ATE1: variants seen among roughly 807,000 people sequenced by gnomAD.
ATE1 encodes the protein arginyltransferase 1, also known as arginyl-tRNA--protein transferase 1.
ATE1 carries 36 observed loss-of-function variants against 70.5 expected under a neutral mutation model. That is an observed-to-expected ratio of 0.51 (90% CI 0.39 to 0.67). The LOEUF (loss-of-function observed/expected upper bound fraction) is 0.67. Among genes scored for constraint, ATE1 ranks in the 30% least tolerant of loss-of-function variants. The probability of loss-of-function intolerance (pLI) is 0.00; values close to 1 mark genes in which losing one functional copy is unlikely to be tolerated. For synonymous variants in ATE1, 232 were observed against 219.3 expected (o/e 1.06, Z -0.51); for missense variants, 593 against 629.5 (o/e 0.94, Z 0.62).
intron 10 of ATE1, among the ~76,000 whole-genome samples, chr10:121,830,897 A>G (rs529317127): frequency 1.3e-4 from 20 of 152,342 alleles, no homozygotes; most frequent in African/African-American, 4.8e-4. Context: ...GAAAAAATTT[A>G]AAGTTTTATT....
chr10:121,782,876 C>A (rs1946053468), intron 11 of ATE1, among the ~76,000 whole-genome samples: 1 of 152,166 alleles, frequency 6.6e-6, no homozygotes, highest in Admixed American at 6.5e-5. Flanking sequence ...TGGATGCTTC[C>A]TGCCCTCGAA....
At chr10:121,871,236 C>T (rs893509045) in intron 7 of ATE1, among the ~76,000 whole-genome samples, 1 of 152,104 alleles carries the variant, frequency 6.6e-6, no homozygotes, top group African/African-American at 2.4e-5. Context: ...GGGTGGATCA[C>T]CTGAGGGAGG....
At chr10:121,868,075 A>C (rs947456751) in intron 8 of ATE1, among the ~76,000 whole-genome samples, 1 of 152,186 alleles carries the variant, frequency 6.6e-6, no homozygotes, top group Non-Finnish European at 1.5e-5. Context: ...GAAGTTTATA[A>C]ACATCCCATC....
At chr10:121,790,569 T>G (rs1043084344) in intron 10 of ATE1, among the ~76,000 whole-genome samples, 2 of 152,212 alleles carry the variant, frequency 1.3e-5, no homozygotes, top group African/African-American at 2.4e-5. Context: ...ATATTCAATG[T>G]GATTCTTGCT....
intron 10 of ATE1, among the ~76,000 whole-genome samples, chr10:121,804,621 C>T (rs1027262230): frequency 6.6e-6 from 1 of 151,968 alleles, no homozygotes; most frequent in Non-Finnish European, 1.5e-5. Flanking sequence ...TGTTTGGAAG[C>T]TGTTGAGCAC....
At chr10:121,878,903 A>T (rs1950144464) in intron 7 of ATE1, among the ~76,000 whole-genome samples, 1 of 152,176 alleles carries the variant, frequency 6.6e-6, no homozygotes, top group Non-Finnish European at 1.5e-5. Context: ...TCCCTTCATT[A>T]TACCAAGGAC....
intron 10 of ATE1, among the ~76,000 whole-genome samples, chr10:121,799,575 T>C (rs1446471107): frequency 6.6e-6 from 1 of 152,220 alleles, no homozygotes. Flanking sequence ...AACTGTTTCA[T>C]CTTTGCAGCT....
chr10:121,883,379 C>T (rs1172608188), intron 7 of ATE1, among the ~76,000 whole-genome samples: 2 of 151,928 alleles, frequency 1.3e-5, no homozygotes, highest in Non-Finnish European at 2.9e-5. Flanking sequence ...CATATTTTAA[C>T]GAGCATATTA....
chr10:121,822,986 G>T (rs1947858124), intron 10 of ATE1, among the ~76,000 whole-genome samples: 1 of 152,056 alleles, frequency 6.6e-6, no homozygotes, highest in South Asian at 2.1e-4. Context: ...TACAGATAAA[G>T]CACTTAAAAA....
At chr10:121,766,131 A>G (rs74158436) in intron 11 of ATE1, among the ~76,000 whole-genome samples, 374 of 152,360 alleles carry the variant, frequency 2.5e-3, no homozygotes, top group African/African-American at 8.8e-3. Flanking sequence ...TTAGAAGGAT[A>G]CAAATAAGCC....
intron 10 of ATE1, among the ~76,000 whole-genome samples, chr10:121,798,367 C>A (rs1359528711): frequency 6.6e-6 from 1 of 152,112 alleles, no homozygotes; most frequent in Non-Finnish European, 1.5e-5. Flanking sequence ...AAGTATATGC[C>A]AATGAAATAA....
At chr10:121,871,827 A>G (rs1164675484) in intron 7 of ATE1, among the ~76,000 whole-genome samples, 1 of 152,244 alleles carries the variant, frequency 6.6e-6, no homozygotes, top group Non-Finnish European at 1.5e-5. Flanking sequence ...TTAACTCTTA[A>G]GATAACTTTC....
At chr10:121,744,426 T>TA (rs1944264203) in intron 11 of ATE1, among the ~76,000 whole-genome samples, 1 of 152,168 alleles carries the variant, frequency 6.6e-6, no homozygotes, top group African/African-American at 2.4e-5. Context: ...AGACAAAATG[T>TA]GTCTAATTAG....
intron 8 of ATE1, among the ~76,000 whole-genome samples, chr10:121,856,887 G>C (rs914875885): frequency 6.6e-6 from 1 of 152,158 alleles, no homozygotes; most frequent in Admixed American, 6.5e-5. Context: ...AAAGAGAATA[G>C]TTCAACTGAA....
chr10:121,812,972 T>C (rs1331349519), intron 10 of ATE1, among the ~76,000 whole-genome samples: 1 of 152,246 alleles, frequency 6.6e-6, no homozygotes, highest in African/African-American at 2.4e-5. Flanking sequence ...CCTCTTTCAC[T>C]ACAACTAACA....
At chr10:121,787,821 T>G (rs997754518) in intron 11 of ATE1, among the ~76,000 whole-genome samples, 4 of 152,236 alleles carry the variant, frequency 2.6e-5, no homozygotes, top group Admixed American at 2.6e-4. Flanking sequence ...TTAACATGAA[T>G]GTTTACTTGA....
At chr10:121,927,581 C>T (rs1005437683) in intron 1 of ATE1, 51 of 976,958 alleles carry the variant, frequency 5.2e-5, no homozygotes, top group South Asian at 9.5e-5. Flanking sequence ...CACAATCTAC[C>T]CCAGACGGGC....
At chr10:121,815,430 C>T (rs780266886) in intron 10 of ATE1, among the ~76,000 whole-genome samples, 4 of 152,308 alleles carry the variant, frequency 2.6e-5, no homozygotes, top group East Asian at 1.9e-4. Flanking sequence ...CCACCGCGCC[C>T]GGCCGGGAAT....
intron 11 of ATE1, among the ~76,000 whole-genome samples, chr10:121,765,088 G>A (rs1310722412): frequency 6.6e-6 from 1 of 152,092 alleles, no homozygotes; most frequent in Non-Finnish European, 1.5e-5. Context: ...TGCCACTGTG[G>A]GCCAAAGCTG....
Sources: allele counts gnomAD v4.1 joint callset (sites outside exome capture counted in the v4.1 genomes callset), GRCh38; gene constraint gnomAD v4.1.1; transcripts MANE v1.5; gene names NCBI Gene and HGNC (gene_info 2026-07-23, HGNC 2026-07-21).